Variants in MYCBP2 observed in about 807,000 individuals in gnomAD.
The protein encoded by MYCBP2 is E3 ubiquitin-protein ligase MYCBP2.
Under a neutral mutation model 525.3 loss-of-function variants are expected in MYCBP2, and 120 were observed. The ratio of observed to expected loss-of-function variants is 0.23; its 90% CI spans 0.20 to 0.27. The LOEUF is 0.27. Among genes scored for constraint, MYCBP2 ranks in the 10% least tolerant of loss-of-function variants. The pLI, the probability that MYCBP2 is intolerant of heterozygous loss-of-function variation, is 1.00. For missense variants in MYCBP2, 4,149 were observed against 5,657.1 expected, an observed-to-expected ratio of 0.73 and a Z score of 8.55; for synonymous variants, 1,894 against 1,955.8, an observed-to-expected ratio of 0.97 and a Z score of 0.83.
chr13:77,126,143 T>A (rs865949832), intron 53 of MYCBP2, among the ~76,000 whole-genome samples, 175 bp downstream of exon 53: 1 of 152,228 alleles, frequency 6.6e-6, no homozygotes, highest in African/African-American at 2.4e-5. Flanking sequence ...AGGATAATTA[T>A]GCAAATCATT....
At chr13:77,209,861 G>A (rs1214347935) in intron 23 of MYCBP2, among the ~76,000 whole-genome samples, 9 of 152,122 alleles carry the variant, frequency 5.9e-5, no homozygotes, top group South Asian at 2.1e-4. Context: ...TTTGGAACAC[G>A]GAAGAAAATT....
chr13:77,100,741 G>A (rs1302599945), intron 55 of MYCBP2, among the ~76,000 whole-genome samples: 1 of 151,916 alleles, frequency 6.6e-6, no homozygotes, highest in African/African-American at 2.4e-5. Context: ...TTAGTTTCTT[G>A]CAAAGCTTCA....
At chr13:77,184,842 C>T (rs998729646) in intron 32 of MYCBP2, among the ~76,000 whole-genome samples, 3 of 152,174 alleles carry the variant, frequency 2.0e-5, no homozygotes, top group Non-Finnish European at 4.4e-5. Flanking sequence ...TTCTTTTCCT[C>T]TCTCCCTCTC....
chr13:77,315,842 C>G (rs374244427), intron 1 of MYCBP2, among the ~76,000 whole-genome samples: 80 of 149,678 alleles, frequency 5.3e-4, no homozygotes, highest in African/African-American at 1.8e-3. Context: ...CTTCAGTGAG[C>G]CGAGATTATG....
intron 47 of MYCBP2, among the ~76,000 whole-genome samples, chr13:77,146,464 T>G: frequency 6.7e-6 from 1 of 148,714 alleles, no homozygotes; most frequent in Non-Finnish European, 1.5e-5. Context: ...ATCTTTTGAG[T>G]ACATTAAAAT....
At chr13:77,162,644 C>T (rs887186176) in intron 43 of MYCBP2, among the ~76,000 whole-genome samples, 5 of 152,074 alleles carry the variant, frequency 3.3e-5, no homozygotes, top group African/African-American at 1.2e-4. Flanking sequence ...GTGTTTCAAC[C>T]ACACATAAAC....
In MYCBP2 at chr13:77,326,198, G is replaced by A. The variant is rs967622068; in HGVS notation, c.302+276C>T. ...ACCATCGCCTTTTCCAGCATCACAG[G>A]TTCCCCTACCACCCCTCACTATCCC... On this transcript the variant is annotated intron_variant, in intron 1 of 82. Coordinates refer to ENST00000544440, the MANE Select transcript of MYCBP2 (RefSeq NM_015057.5). This position sits in a 1 kb window ranked among gnomAD's most constrained non-coding sequence, Gnocchi z 4.2. Among the ~76,000 whole-genome samples, 4 of 147,044 alleles carry A rather than the reference G, an allele frequency of 2.7e-5. No homozygotes were observed. Among genetic ancestry groups the A allele is most frequent in the African/African-American group, 1.0e-4 (4 of 38,958 alleles).
At chr13:77,310,489 A>G (rs946346001) in intron 1 of MYCBP2, among the ~76,000 whole-genome samples, 5 of 152,212 alleles carry the variant, frequency 3.3e-5, no homozygotes, top group African/African-American at 1.2e-4. Context: ...ACTAAAGAAC[A>G]GAGCTGCATG....
Position 77,217,835 on chromosome 13 carries a change from C to A in MYCBP2, c.3057+5G>T. On this transcript the variant is annotated splice_donor_5th_base_variant and intron_variant, in intron 21 of 82. Coordinates refer to ENST00000544440, the MANE Select transcript of MYCBP2 (RefSeq NM_015057.5). The stretch of plus-strand genomic sequence containing the variant: ...AATATTATTAATGTTTTAAAAATTC[C>A]TTACAGAAAAACTTCCAAATGTGAA... 1 of 1,579,106 alleles carries A rather than the reference C, an allele frequency of 6.3e-7. No homozygotes were observed. The highest frequency in any genetic ancestry group is 1.2e-5 in the South Asian group (1 of 86,236).
chr13:77,208,044 G>C (rs2154278212), intron 23 of MYCBP2, among the ~76,000 whole-genome samples: 1 of 135,720 alleles, frequency 7.4e-6, no homozygotes, highest in South Asian at 2.4e-4. Context: ...AAAATTCACT[G>C]TTCCCTCTAC....
At chr13:77,169,510 A>T in intron 39 of MYCBP2, 104 bp downstream of exon 39, 1 of 851,716 alleles carries the variant, frequency 1.2e-6, no homozygotes, top group Non-Finnish European at 1.9e-6. Flanking sequence ...CCTATATCCC[A>T]GATGCCTCAA....
chr13:77,062,540 G>T, intron 74 of MYCBP2, 56 bp downstream of exon 74: 1 of 1,438,176 alleles, frequency 7.0e-7, no homozygotes, highest in Non-Finnish European at 9.8e-7. Flanking sequence ...TTTAAGCTAA[G>T]CTAAAGCTTA....
intron 17 of MYCBP2, among the ~76,000 whole-genome samples, chr13:77,234,126 T>A (rs1310999769): frequency 1.3e-5 from 2 of 151,986 alleles, no homozygotes; most frequent in African/African-American, 4.8e-5. Flanking sequence ...ATTTTTCCCA[T>A]TAACATTTAT....
At chr13:77,210,348 A>G (rs888376569) in intron 23 of MYCBP2, among the ~76,000 whole-genome samples, 3 of 151,682 alleles carry the variant, frequency 2.0e-5, no homozygotes, top group African/African-American at 4.8e-5. Context: ...GCCCGCCACC[A>G]CGCCCGGCTA....
intron 44 of MYCBP2, 31 bp downstream of exon 44, chr13:77,161,875 A>G: frequency 6.4e-7 from 1 of 1,563,466 alleles, no homozygotes. Flanking sequence ...TTAATGTACA[A>G]AGTTTATCCT....
At chr13:77,125,613 C>T in intron 53 of MYCBP2, 145 bp from the exon 54 acceptor site, 1 of 846,618 alleles carries the variant, frequency 1.2e-6, no homozygotes, top group Non-Finnish European at 1.8e-6. Flanking sequence ...ATTAAGGCCA[C>T]AGCCTGAGGT....
intron 54 of MYCBP2, among the ~76,000 whole-genome samples, chr13:77,123,472 A>G (rs1181543073): frequency 6.6e-6 from 1 of 152,212 alleles, no homozygotes; most frequent in East Asian, 1.9e-4. Context: ...GATCCTTAGC[A>G]TGGAAGGCAT....
Position 77,082,956 on chromosome 13 carries a change from TGGAGCA to T in MYCBP2, c.11036+70_11036+75del. 4.3e-6 allele frequency: 6 copies of T among 1,398,992 alleles called. No individual in the cohort carries two copies. In the Admixed American group the frequency reaches 9.1e-5, roughly 21 times the overall value. 86.7% of individuals were successfully genotyped at this position (1,398,992 alleles called of 1,614,324 possible). ...ATCTTACTATTTAAAGAGCTTTTTT[TGGAGCA>T]TTTCATACTTTGAATATTCCATAAA... On this transcript the variant is annotated intron_variant, in intron 63 of 82. Coordinates refer to ENST00000544440, the MANE Select transcript of MYCBP2 (RefSeq NM_015057.5).
At chr13:77,077,039 C>T (rs2042439181) in intron 67 of MYCBP2, 109 bp downstream of exon 67, 4 of 1,453,986 alleles carry the variant, frequency 2.8e-6, no homozygotes, top group East Asian at 4.7e-5. Flanking sequence ...AAATGGGCAA[C>T]ATTTATAGCC....
Sources: gnomAD v4.1 joint callset for allele counts (sites outside exome capture counted in the v4.1 genomes callset) on GRCh38, gnomAD v4.1.1 for gene constraint, Gnocchi (gnomAD v3.1) non-coding constraint, MANE v1.5 for transcripts, NCBI Gene and HGNC (gene_info 2026-07-23, HGNC 2026-07-21) for gene names.